WWOX: variants seen among roughly 807,000 people sequenced by gnomAD.
The protein encoded by WWOX is WW domain containing oxidoreductase, also known as WW domain-containing oxidoreductase.
In WWOX, 69 loss-of-function variants were observed where a neutral mutation model predicts 46.2. That is an observed-to-expected ratio of 1.49 (90% CI 1.23 to 1.82). The LOEUF (loss-of-function observed/expected upper bound fraction) is 1.82. Ranked by LOEUF, WWOX falls within the 40% of genes most tolerant of loss-of-function variation. The pLI, the probability that WWOX is intolerant of heterozygous loss-of-function variation, is 0.00. For synonymous variants in WWOX, 359 were observed against 202.6 expected (o/e 1.77, Z -6.56); for missense variants, 919 against 542.6 (o/e 1.69, Z -6.89).
chr16:78,940,674 C>T (rs928146427), intron 8 of WWOX, among the ~76,000 whole-genome samples: 2 of 138,648 alleles, frequency 1.4e-5, no homozygotes, highest in African/African-American at 5.4e-5. Flanking sequence ...CTTAGGTTAA[C>T]TTTTTTTTTT....
At chr16:78,828,131 G>T (rs925302581) in intron 8 of WWOX, among the ~76,000 whole-genome samples, 2 of 152,188 alleles carry the variant, frequency 1.3e-5, no homozygotes, top group African/African-American at 4.8e-5. Context: ...ACAGGAGGCA[G>T]CAAGTGACAG....
intron 8 of WWOX, among the ~76,000 whole-genome samples, chr16:78,462,903 A>G (rs576593006): frequency 1.5e-4 from 23 of 152,300 alleles, no homozygotes; most frequent in Middle Eastern, 6.8e-3. Context: ...TCCCTTGGGC[A>G]CGCTGTTCAC....
At chr16:78,581,970 T>G (rs1331100891) in intron 8 of WWOX, among the ~76,000 whole-genome samples, 1 of 152,212 alleles carries the variant, frequency 6.6e-6, no homozygotes, top group Non-Finnish European at 1.5e-5. Flanking sequence ...TTGACAAATA[T>G]GTCAGGTATA....
intron 8 of WWOX, among the ~76,000 whole-genome samples, chr16:78,761,048 C>T (rs536276287): frequency 6.6e-6 from 1 of 152,054 alleles, no homozygotes; most frequent in Non-Finnish European, 1.5e-5. Flanking sequence ...CCTACCAGGC[C>T]CCTCCTACAA....
intron 5 of WWOX, among the ~76,000 whole-genome samples, chr16:78,385,903 G>C (rs764179296): frequency 3.9e-5 from 6 of 152,190 alleles, no homozygotes; most frequent in African/African-American, 7.2e-5. Flanking sequence ...GCACTCCGAA[G>C]CGCACCCAGA....
intron 8 of WWOX, among the ~76,000 whole-genome samples, chr16:78,906,416 C>G (rs1021825583): frequency 1.3e-5 from 2 of 152,116 alleles, no homozygotes; most frequent in Non-Finnish European, 1.5e-5. Flanking sequence ...CTTTCCCTCC[C>G]CAACCCTCCC....
chr16:78,808,315 G>A (rs2051096424), intron 8 of WWOX, among the ~76,000 whole-genome samples: 1 of 152,172 alleles, frequency 6.6e-6, no homozygotes, highest in Admixed American at 6.5e-5. Context: ...CTACTGTATG[G>A]CCACTTCAAA....
chr16:78,734,916 A>G (rs1000272468), intron 8 of WWOX, among the ~76,000 whole-genome samples: 6 of 115,430 alleles, frequency 5.2e-5, no homozygotes, highest in African/African-American at 2.0e-4. Flanking sequence ...GCTAGGCTGG[A>G]GTGCAGTGAC....
At chr16:78,508,606 A>G (rs2085276966) in intron 8 of WWOX, among the ~76,000 whole-genome samples, 1 of 152,202 alleles carries the variant, frequency 6.6e-6, no homozygotes, top group Non-Finnish European at 1.5e-5. Context: ...AAATTACAGC[A>G]AATGATTCAG....
intron 8 of WWOX, among the ~76,000 whole-genome samples, chr16:78,499,351 A>G (rs549703732): frequency 8.5e-5 from 13 of 152,172 alleles, no homozygotes; most frequent in Non-Finnish European, 1.8e-4. Flanking sequence ...GGTTTGGCCC[A>G]CGGGAGACCC....
At chr16:78,169,507 G>T (rs1029400742) in intron 5 of WWOX, among the ~76,000 whole-genome samples, 1 of 151,494 alleles carries the variant, frequency 6.6e-6, no homozygotes, top group Non-Finnish European at 1.5e-5. Flanking sequence ...AAGAACAAGA[G>T]CTTATTAGGT....
chr16:78,867,266 G>C (rs2151198621), intron 8 of WWOX, among the ~76,000 whole-genome samples: 1 of 152,168 alleles, frequency 6.6e-6, no homozygotes, highest in East Asian at 1.9e-4. Context: ...ATCTTGGCTT[G>C]GTTAACAGAA....
In WWOX at chr16:78,114,997, C is replaced by T; in HGVS notation, c.252C>T (p.Thr84=). The T allele has an allele frequency of 1.2e-6, 2 of 1,614,176 alleles. No homozygotes were observed. Among genetic ancestry groups the T allele is most frequent in the Non-Finnish European group, 1.7e-6 (2 of 1,180,032 alleles). ...GCAGCCATATAAATAAAAGAACCAC[C>T]TACTTGGACCCAAGACTGGCGTTTA... ...FFVDHINKRT[T]YLDPRLAFTV... Residue 84 remains threonine (T), a synonymous_variant, in exon 4 of 9, where the codon ACC becomes ACT. Transcript: ENST00000566780.
chr16:79,191,876 T>G (rs59949025), intron 8 of WWOX, among the ~76,000 whole-genome samples: 2,459 of 152,222 alleles, frequency 0.016, 68 homozygotes, highest in African/African-American at 0.056. Flanking sequence ...TGCGCATAAG[T>G]AGTTTAAACA....
chr16:78,393,040 C>A (rs62034089), intron 6 of WWOX, among the ~76,000 whole-genome samples: 8,853 of 152,236 alleles, frequency 0.058, 319 homozygotes, highest in Middle Eastern at 0.12. Context: ...AAACCAAAGC[C>A]TGTGGTAAGT....
chr16:78,575,499 C>G (rs1422049229), intron 8 of WWOX, among the ~76,000 whole-genome samples: 3 of 152,024 alleles, frequency 2.0e-5, no homozygotes, highest in Non-Finnish European at 4.4e-5. Context: ...GACAAGAAGG[C>G]ACAAATCGTC....
In WWOX at chr16:78,935,809, G is replaced by T. The variant is rs112096766; in HGVS notation, c.1057-275799G>T. On this transcript the variant is annotated intron_variant, in intron 8 of 8. Coordinates refer to ENST00000566780, the MANE Select transcript of WWOX (RefSeq NM_016373.4). ...CTGCCTGTACCCCAGCTACTTGGGA[G>T]GCTGAAGTGGGAGGATCACTTCAGC... Among the ~76,000 whole-genome samples, 773 of 152,194 alleles carry T rather than the reference G, an allele frequency of 5.1e-3. 12 individuals are homozygous for T. The highest frequency in any genetic ancestry group is 0.017 in the African/African-American group (710 of 41,506).
intron 8 of WWOX, among the ~76,000 whole-genome samples, chr16:78,791,400 G>A (rs1430863780): frequency 6.6e-6 from 1 of 152,188 alleles, no homozygotes; most frequent in African/African-American, 2.4e-5. Flanking sequence ...GGCATGGGCA[G>A]TGGAGACATC....
At chr16:78,723,594 TTTC>T (rs1407091069) in intron 8 of WWOX, among the ~76,000 whole-genome samples, 5 of 28,984 alleles carry the variant, frequency 1.7e-4, no homozygotes, top group African/African-American at 8.7e-4. Flanking sequence ...TTTCTTTTCT[TTTC>T]TTTTCTTTTC....
Sources: allele counts gnomAD v4.1 joint callset (sites outside exome capture counted in the v4.1 genomes callset), GRCh38; gene constraint gnomAD v4.1.1; transcripts MANE v1.5; gene names NCBI Gene and HGNC (gene_info 2026-07-23, HGNC 2026-07-21).